The following CELF2 variants were observed in gnomAD, a reference collection of about 807,000 sequenced individuals.
CELF2 encodes CUG triplet repeat RNA-binding protein 2.
A neutral mutation model predicts 62.6 loss-of-function variants in CELF2; 8 were observed. The observed-to-expected ratio is 0.13, with a 90% confidence interval of 0.07 to 0.23. The LOEUF (loss-of-function observed/expected upper bound fraction) is 0.23. Ranked by LOEUF, CELF2 falls within the 10% of genes least tolerant of loss-of-function variation. The probability of loss-of-function intolerance (pLI) is 1.00; values close to 1 mark genes in which losing one functional copy is unlikely to be tolerated. For synonymous variants in CELF2, 258 were observed against 250.0 expected, an observed-to-expected ratio of 1.03 and a Z score of -0.30; for missense variants, 333 against 671.0, an observed-to-expected ratio of 0.50 and a Z score of 5.56.
the CELF2 span, among the ~76,000 whole-genome samples, chr10:10,747,316 AAC>A: frequency 6.6e-6 from 1 of 152,178 alleles, no homozygotes; most frequent in East Asian, 1.9e-4. Flanking sequence ...CTGTGTGTAA[AAC>A]ACACAAAAAA....
intron 1 of CELF2, among the ~76,000 whole-genome samples, chr10:10,881,682 A>G (rs1045828152): frequency 6.6e-6 from 1 of 152,210 alleles, no homozygotes; most frequent in Non-Finnish European, 1.5e-5. Context: ...AAGTCTTCAT[A>G]TGTGTACAGG....
At chr10:10,833,468 A>T (rs1339345721) in intron 1 of CELF2, among the ~76,000 whole-genome samples, 1 of 151,954 alleles carries the variant, frequency 6.6e-6, no homozygotes, top group Admixed American at 6.6e-5. Context: ...GGCCAAGAGT[A>T]AGACCTTGCT....
the CELF2 span, among the ~76,000 whole-genome samples, chr10:10,600,193 C>A: frequency 6.6e-6 from 1 of 152,180 alleles, no homozygotes; most frequent in Non-Finnish European, 1.5e-5. Flanking sequence ...AGGGGATGCT[C>A]AGAAAGAGGA....
chr10:11,175,968 G>A (rs547464426), intron 2 of CELF2, among the ~76,000 whole-genome samples: 3 of 152,286 alleles, frequency 2.0e-5, no homozygotes, highest in Admixed American at 6.5e-5. Flanking sequence ...AACCAGTTTC[G>A]GGTTAGCCAT....
chr10:10,977,013 T>C (rs752823957), intron 2 of CELF2, among the ~76,000 whole-genome samples: 31 of 151,332 alleles, frequency 2.0e-4, no homozygotes, highest in Non-Finnish European at 4.3e-4. Context: ...CAGAAAGAAA[T>C]TCTGACACCT....
intron 2 of CELF2, among the ~76,000 whole-genome samples, chr10:11,193,994 T>A (rs2056731581): frequency 6.6e-6 from 1 of 152,216 alleles, no homozygotes; most frequent in Admixed American, 6.5e-5. Context: ...AGACTTACAG[T>A]GTTGAAACTC....
chr10:10,761,941 T>TGTGTGC, the CELF2 span, among the ~76,000 whole-genome samples: 8 of 151,488 alleles, frequency 5.3e-5, no homozygotes, highest in Non-Finnish European at 1.0e-4. Context: ...TGTGTGTGTG[T>TGTGTGC]GTGTGTGTGT....
intron 1 of CELF2, among the ~76,000 whole-genome samples, chr10:11,128,442 C>G (rs2059080812): frequency 6.6e-6 from 1 of 152,158 alleles, no homozygotes; most frequent in Admixed American, 6.5e-5. Flanking sequence ...ATGGGGATGG[C>G]ATTCAATCTA....
chr10:11,059,754 G>T (rs2066263581), intron 1 of CELF2, among the ~76,000 whole-genome samples: 1 of 152,130 alleles, frequency 6.6e-6, no homozygotes, highest in African/African-American at 2.4e-5. Context: ...AAGAGTGAAG[G>T]GTAGTGCTTT....
intron 1 of CELF2, among the ~76,000 whole-genome samples, chr10:11,153,876 C>A (rs2063804513): frequency 6.6e-6 from 1 of 152,184 alleles, no homozygotes; most frequent in African/African-American, 2.4e-5. Context: ...AACCTGTGCT[C>A]TTTCAAGTTG....
At chr10:10,604,027 C>T in the CELF2 span, among the ~76,000 whole-genome samples, 3 of 151,994 alleles carry the variant, frequency 2.0e-5, no homozygotes, top group Non-Finnish European at 2.9e-5. Flanking sequence ...TAGCCAACAA[C>T]AACAAAACCC....
chr10:10,854,309 C>T (rs1000350754), intron 1 of CELF2, among the ~76,000 whole-genome samples: 3 of 152,090 alleles, frequency 2.0e-5, no homozygotes, highest in South Asian at 2.1e-4. Context: ...TGTGGTCAGC[C>T]CCAAGCTGTG....
At chr10:11,271,233 C>A (rs1198059364) in intron 7 of CELF2, among the ~76,000 whole-genome samples, 1 of 152,210 alleles carries the variant, frequency 6.6e-6, no homozygotes, top group African/African-American at 2.4e-5. Context: ...CGCAGTGGAA[C>A]CAGATTGATG....
intron 1 of CELF2, among the ~76,000 whole-genome samples, chr10:11,035,011 G>A (rs560406912): frequency 3.9e-4 from 59 of 152,132 alleles, no homozygotes; most frequent in African/African-American, 1.4e-3. Flanking sequence ...TCCTAGCATC[G>A]TCATTAATAG....
chr10:10,668,976 G>T, the CELF2 span, among the ~76,000 whole-genome samples: 1 of 152,076 alleles, frequency 6.6e-6, no homozygotes, highest in East Asian at 1.9e-4. Context: ...ACAAACAAAA[G>T]GTTACATACA....
At chr10:10,713,832 C>T in the CELF2 span, among the ~76,000 whole-genome samples, 29 of 152,150 alleles carry the variant, frequency 1.9e-4, no homozygotes, top group South Asian at 8.3e-4. Flanking sequence ...ATCAGGAGTT[C>T]GAGACCAGCC....
chr10:10,803,254 C>T (rs1404153138), intron 1 of CELF2, among the ~76,000 whole-genome samples: 1 of 152,196 alleles, frequency 6.6e-6, no homozygotes, highest in African/African-American at 2.4e-5. Context: ...CCTACTAAAA[C>T]TTGCCCTTTA....
chr10:10,516,068 A>T, the CELF2 span, among the ~76,000 whole-genome samples: 1 of 152,224 alleles, frequency 6.6e-6, no homozygotes, highest in African/African-American at 2.4e-5. Flanking sequence ...GATTCCAAGC[A>T]AAGAAACTCA....
chr10:10,727,044 C>T, the CELF2 span, among the ~76,000 whole-genome samples: 112,285 of 151,964 alleles, frequency 0.74, 41,704 homozygotes, highest in South Asian at 0.82. Flanking sequence ...GTGAGAACTC[C>T]GTCACTAGGA....
Sources: allele counts gnomAD v4.1 joint callset (sites outside exome capture counted in the v4.1 genomes callset), GRCh38; gene constraint gnomAD v4.1.1; transcripts MANE v1.5; gene names NCBI Gene and HGNC (gene_info 2026-07-23, HGNC 2026-07-21).